SRP68: variants seen among roughly 807,000 people sequenced by gnomAD.
The protein encoded by SRP68 is signal recognition particle subunit SRP68.
A neutral mutation model predicts 82.2 loss-of-function variants in SRP68; 15 were observed. The observed-to-expected ratio is 0.18, with a 90% CI of 0.12 to 0.28. The LOEUF is 0.28. Among genes scored for constraint, SRP68 ranks in the 10% least tolerant of loss-of-function variants. SRP68 has a pLI of 1.00. For synonymous variants in SRP68, 261 were observed against 292.6 expected (o/e 0.89, Z 1.10); for missense variants, 595 against 780.5 (o/e 0.76, Z 2.83).
Position 76,039,582 on chromosome 17 carries a change from G to A in SRP68, c.*124C>T, listed in dbSNP as rs1017614088. ...ACACAAGATGTAGGAATGCAGGGCC[G>A]AAGATGTTAAACTCTTGCCCCGGGC... On this transcript the variant is annotated 3_prime_UTR_variant, in exon 16 of 16. Transcript: ENST00000307877. The A allele has an allele frequency of 2.0e-5, 18 of 907,898 alleles. No homozygotes were observed. Among genetic ancestry groups the A allele is most frequent in the African/African-American group, 1.2e-4 (7 of 59,980 alleles). 56.2% of individuals were successfully genotyped at this position (907,898 alleles called of 1,614,324 possible). A position where few individuals can be genotyped will look rare whatever the true frequency, so the allele number is the denominator to read the frequency against.
intron 15 of SRP68, 55 bp downstream of exon 15, chr17:76,040,364 C>A: frequency 6.5e-7 from 1 of 1,535,208 alleles, no homozygotes; most frequent in South Asian, 1.1e-5. Flanking sequence ...GCATGCATTC[C>A]TAGTTTGTTA....
chr17:76,054,854 AC>A (rs2066701384), intron 8 of SRP68, among the ~76,000 whole-genome samples: 1 of 152,150 alleles, frequency 6.6e-6, no homozygotes, highest in Non-Finnish European at 1.5e-5. Flanking sequence ...GGAAAAAAAA[AC>A]ATAAGAACTC....
At chr17:76,051,536 C>T (rs973909229) in intron 8 of SRP68, among the ~76,000 whole-genome samples, 2 of 152,120 alleles carry the variant, frequency 1.3e-5, no homozygotes, top group Admixed American at 6.5e-5. Flanking sequence ...GTTGGGGGAA[C>T]AGGGGCTTAA....
chr17:76,061,127 T>C lies in SRP68; in HGVS notation c.737A>G (p.Tyr246Cys). 1 of 1,610,866 alleles carries C rather than the reference T, an allele frequency of 6.2e-7. No individual in the cohort carries two copies. ...RVEEISPNIR[Y>C]CAYNIGDQSA... ...GCTCTCACCAATATTATATGCACAA[T>C]AGCGGATGTTGGGTGAAATCTCTTC... The change falls in exon 6 of 16, where the codon TAT becomes TGT. Residue 246 changes from tyrosine to cysteine, a missense_variant. Coordinates refer to ENST00000307877, the MANE Select transcript of SRP68 (RefSeq NM_014230.4).
chr17:76,052,003 G>A (rs1362540828), intron 8 of SRP68, among the ~76,000 whole-genome samples: 2 of 152,116 alleles, frequency 1.3e-5, no homozygotes, highest in Non-Finnish European at 2.9e-5. Context: ...CGCCTCCTGG[G>A]TTCATGAGAT....
Position 76,067,288 on chromosome 17 carries a change from G to C in SRP68, c.294C>G (p.Leu98=). The change falls in exon 3 of 16, where the codon CTC becomes CTG. Residue 98 remains leucine, a synonymous_variant. Transcript: ENST00000307877. ...TGTGTCTGTTACCCATCTTGAAGTT[G>C]AGTGTTTTTCGAAGACGTCTTTGTC... is the stretch of plus-strand genomic sequence containing the variant. The part of the protein sequence containing the change: ...SRRQRRLRKT[L]NFKMGNRHKF... 1 of 1,613,378 alleles carries C rather than the reference G, an allele frequency of 6.2e-7. No individual in the cohort carries two copies. The highest frequency in any genetic ancestry group is 2.2e-5 in the East Asian group (1 of 44,872).
Position 76,045,322 on chromosome 17 carries a change from C to T in SRP68, c.1364G>A (p.Gly455Asp). 3 of 1,613,862 alleles carry T rather than the reference C, an allele frequency of 1.9e-6. No individual in the cohort carries two copies. The highest frequency in any genetic ancestry group is 2.5e-6 in the Non-Finnish European group (3 of 1,179,798). ...AGCTTTGAACACCAGAGTCTTGAGG[C>T]CTATCTCTTTCTGGAAGGCTTTGTC... ...EEDKAFQKEI[G>D]LKTLVFKAYR... Residue 455 changes from glycine (G) to aspartate (D), a missense_variant, in exon 12 of 16, where the codon GGC becomes GAC. Around this residue, in one of 2 missense-constraint regions of SRP68, gnomAD observed 495 missense variants for 688.6 expected, o/e 0.72. Transcript: ENST00000307877.
At chr17:76,057,178 G>A (rs2066719029) in intron 8 of SRP68, among the ~76,000 whole-genome samples, 1 of 152,202 alleles carries the variant, frequency 6.6e-6, no homozygotes, top group South Asian at 2.1e-4. Context: ...GTTGATGACT[G>A]TTGCTGTCAA....
intron 7 of SRP68, among the ~76,000 whole-genome samples, chr17:76,058,156 A>AAT (rs1491530282): frequency 9.7e-4 from 139 of 143,062 alleles, no homozygotes; most frequent in Non-Finnish European, 2.9e-4. Flanking sequence ...AAAAAAAAAA[A>AAT]TTTTTTTTTT....
At chr17:76,053,750 A>T (rs960206004) in intron 8 of SRP68, 1 of 680,118 alleles carries the variant, frequency 1.5e-6, no homozygotes, top group African/African-American at 2.0e-5. Flanking sequence ...AGAAGCTCTC[A>T]TGATTCTCCC....
intron 4 of SRP68, among the ~76,000 whole-genome samples, chr17:76,062,552 A>C (rs1362079534): frequency 1.2e-5 from 1 of 82,282 alleles, no homozygotes; most frequent in East Asian, 2.7e-4. Context: ...ATATTATATA[A>C]TATACATTAT....
intron 13 of SRP68, among the ~76,000 whole-genome samples, chr17:76,042,907 G>GC (rs1026520066): frequency 6.6e-6 from 1 of 152,114 alleles, no homozygotes; most frequent in Non-Finnish European, 1.5e-5. Flanking sequence ...TTTAGATCAA[G>GC]CATTTCCTTA....
intron 2 of SRP68, 116 bp from the exon 3 acceptor site, chr17:76,067,446 C>T: frequency 1.4e-6 from 1 of 712,048 alleles, no homozygotes; most frequent in Non-Finnish European, 2.5e-6. Context: ...CTTATGGTTA[C>T]TAGAATTATC....
rs1259139863 is a variant in SRP68 at position 76,050,164 on chromosome 17, C to T, written c.1077+264G>A. On this transcript the variant is annotated intron_variant, in intron 9 of 15. Transcript: ENST00000307877. The stretch of plus-strand genomic sequence containing the variant: ...AAAGGGAGGCACTGGAGAAGTCCAC[C>T]TGGAGACAGAATTGGAGGCCACAGG... 2.0e-5 allele frequency among the ~76,000 whole-genome samples: 3 copies of T among 152,140 alleles called. No homozygotes were observed. The East Asian group carries it at 5.8e-4, about 29-fold the overall frequency.
chr17:76,052,282 C>T (rs138313003), intron 8 of SRP68, among the ~76,000 whole-genome samples: 1 of 152,254 alleles, frequency 6.6e-6, no homozygotes, highest in Non-Finnish European at 1.5e-5. Flanking sequence ...TATTGTTGGC[C>T]GACCCCAGGT....
At position 76,060,415 on chromosome 17, in the gene SRP68, T is replaced by C. The variant is rs774027577; in HGVS notation, c.755-25A>G. On this transcript the variant is annotated intron_variant, in intron 6 of 15. Coordinates refer to ENST00000307877, the MANE Select transcript of SRP68 (RefSeq NM_014230.4). ...CCTAAGAGAGAAAGACAGGAAAATCTTCAAGGGTCTGGTCTGTTTTCTTGA... is the reference window on the plus strand; with the variant it reads ...CCTAAGAGAGAAAGACAGGAAAATCCTCAAGGGTCTGGTCTGTTTTCTTGA... 7.6e-6 allele frequency: 12 copies of C among 1,574,128 alleles called. No homozygotes were observed. In the East Asian group the frequency reaches 2.7e-4, roughly 35 times the overall value.
At chr17:76,058,296 T>C (rs1331196137) in intron 7 of SRP68, among the ~76,000 whole-genome samples, 1 of 152,058 alleles carries the variant, frequency 6.6e-6, no homozygotes, top group African/African-American at 2.4e-5. Context: ...TAATTTTGTA[T>C]TTTTAGTACA....
chr17:76,039,946 T>C lies in SRP68; in HGVS notation c.1657-13A>G, dbSNP rs775715479. ...GTTCAACCAGAGGCTGGAAGTCAAA[T>C]CAAAGAGACGTATGTAGCATCGGTC... On this transcript the variant is annotated splice_polypyrimidine_tract_variant and intron_variant, in intron 15 of 15. Coordinates refer to ENST00000307877, the MANE Select transcript of SRP68 (RefSeq NM_014230.4). The C allele has an allele frequency of 6.2e-7, 1 of 1,613,422 alleles. No homozygotes were observed. Among genetic ancestry groups the C allele is most frequent in the South Asian group, 1.1e-5 (1 of 90,966 alleles).
At chr17:76,049,421 AGT>A (rs1314604317) in intron 9 of SRP68, 3 of 152,246 alleles carry the variant, frequency 2.0e-5, no homozygotes, top group African/African-American at 7.2e-5. Context: ...AGATTACCCA[AGT>A]GTGCGGAGGG....
Sources: gnomAD v4.1 joint callset for allele counts (sites outside exome capture counted in the v4.1 genomes callset) on GRCh38, gnomAD v4.1.1 for gene constraint, gnomAD v4.1.1 regional missense constraint, MANE v1.5 for transcripts, NCBI Gene and HGNC (gene_info 2026-07-23, HGNC 2026-07-21) for gene names.